The following ABHD18 variants were observed in gnomAD, a reference collection of about 807,000 sequenced individuals.
ABHD18 encodes the protein abhydrolase domain containing 18, also known as cardiolipin-specific deacylase, mitochondrial.
ABHD18 carries 55 observed loss-of-function variants against 65.9 expected under a neutral mutation model. That is an observed-to-expected ratio of 0.84 (90% CI 0.67 to 1.05). The LOEUF is 1.05. Among genes scored for constraint, ABHD18 ranks in the 50% least tolerant of loss-of-function variants. The probability of loss-of-function intolerance (pLI) is 0.00; values close to 1 mark genes in which losing one functional copy is unlikely to be tolerated. For missense variants in ABHD18, 533 were observed against 558.5 expected, an observed-to-expected ratio of 0.95 and a Z score of 0.46; for synonymous variants, 181 against 180.2, an observed-to-expected ratio of 1.00 and a Z score of -0.04.
At chr4:127,987,896 A>G (rs1750259717) in intron 3 of ABHD18, among the ~76,000 whole-genome samples, 1 of 152,166 alleles carries the variant, frequency 6.6e-6, no homozygotes, top group Non-Finnish European at 1.5e-5. Flanking sequence ...ACCTAGATCC[A>G]TACAAGCATC....
chr4:128,001,681 TAGA>T, intron 4 of ABHD18: 2 of 1,527,518 alleles, frequency 1.3e-6, no homozygotes, highest in Non-Finnish European at 1.8e-6. Context: ...CTTCAGAATT[TAGA>T]AGGTTTTGGT....
rs1359236427 is a variant in ABHD18, at chr4:127,984,413, A to T, written c.167A>T (p.His56Leu). Residue 56 changes from histidine (H) to leucine (L), a missense_variant, in exon 3 of 13, where the codon CAC becomes CTC. By Grantham distance (99) the His-to-Leu change is moderately conservative (BLOSUM62 -3). Coordinates refer to ENST00000645843, the MANE Select transcript of ABHD18 (RefSeq NM_001358451.3). Reference sequence around the variant, plus strand: ...CTGGTTTCAAGCGATTATCCAGTACACATTGATAAGGTATTCAAATGAGAG... The same window carrying T: ...CTGGTTTCAAGCGATTATCCAGTACTCATTGATAAGGTATTCAAATGAGAG... ...QNLVSSDYPVHIDKIEEQSDC... is the reference protein window; with the variant it reads ...QNLVSSDYPVLIDKIEEQSDC... The T allele has an allele frequency of 6.5e-7, 1 of 1,532,980 alleles. No homozygotes were observed. Among genetic ancestry groups the T allele is most frequent in the South Asian group, 1.2e-5 (1 of 82,114 alleles). 95.0% of individuals were successfully genotyped at this position (1,532,980 alleles called of 1,614,324 possible).
intron 4 of ABHD18, among the ~76,000 whole-genome samples, chr4:127,991,193 C>T (rs959166867): frequency 2.6e-5 from 4 of 151,554 alleles, no homozygotes; most frequent in African/African-American, 4.8e-5. Flanking sequence ...TGTTTTGTTT[C>T]GTTTTGTTTT....
At chr4:128,023,403 C>CAAAAAAAAA (rs59549849) in intron 10 of ABHD18, among the ~76,000 whole-genome samples, 2 of 44,952 alleles carry the variant, frequency 4.4e-5, no homozygotes, top group East Asian at 9.3e-4. Context: ...CTTGTCTCTA[C>CAAAAAAAAA]AAAAAAAAAA....
chr4:128,005,749 T>C (rs1040005766), intron 4 of ABHD18, among the ~76,000 whole-genome samples: 2 of 152,202 alleles, frequency 1.3e-5, no homozygotes, highest in African/African-American at 4.8e-5. Flanking sequence ...GCGGACCTCC[T>C]GTGTGCATTT....
chr4:128,005,417 T>A (rs965157643), intron 4 of ABHD18, among the ~76,000 whole-genome samples: 3 of 152,170 alleles, frequency 2.0e-5, no homozygotes, highest in Admixed American at 1.3e-4. Context: ...ATTGCCATCA[T>A]GCCAGTAAAG....
At chr4:127,981,167 AC>A (rs1417682326) in intron 1 of ABHD18, among the ~76,000 whole-genome samples, 1 of 152,158 alleles carries the variant, frequency 6.6e-6, no homozygotes, top group African/African-American at 2.4e-5. Flanking sequence ...TGGTGGTTTG[AC>A]TTACGATTGT....
chr4:127,971,612 T>C (rs905670746), intron 1 of ABHD18, among the ~76,000 whole-genome samples: 3 of 146,364 alleles, frequency 2.0e-5, no homozygotes, highest in African/African-American at 7.5e-5. Flanking sequence ...TGCCTCAGCC[T>C]CCTGAGTAGC....
At chr4:128,029,462 C>G (rs918184162) in intron 11 of ABHD18, among the ~76,000 whole-genome samples, 1 of 152,174 alleles carries the variant, frequency 6.6e-6, no homozygotes, top group African/African-American at 2.4e-5. Context: ...GGGAGGACCG[C>G]TTGAGCCCAG....
At chr4:128,012,014 G>T (rs903986208) in intron 7 of ABHD18, among the ~76,000 whole-genome samples, 1 of 150,058 alleles carries the variant, frequency 6.7e-6, no homozygotes, top group Non-Finnish European at 1.5e-5. Flanking sequence ...CAGTCATTCT[G>T]TCACCCAGTC....
At chr4:128,035,286 T>C (rs1163029148) in intron 12 of ABHD18, among the ~76,000 whole-genome samples, 1 of 152,142 alleles carries the variant, frequency 6.6e-6, no homozygotes, top group African/African-American at 2.4e-5. Flanking sequence ...CCCTCATAAA[T>C]TGGAAGTATA....
chr4:127,979,951 CAAA>C (rs1425868405), intron 1 of ABHD18, among the ~76,000 whole-genome samples: 3 of 148,874 alleles, frequency 2.0e-5, no homozygotes, highest in South Asian at 2.2e-4. Flanking sequence ...TGGGAGGACA[CAAA>C]GAAGTGATGA....
At chr4:128,001,567 A>T in intron 4 of ABHD18, 1 of 664,996 alleles carries the variant, frequency 1.5e-6, no homozygotes, top group Non-Finnish European at 2.3e-6. Flanking sequence ...GGTTCTGTAG[A>T]TAGTAAATTT....
chr4:127,971,271 A>G (rs1305528724), intron 1 of ABHD18, among the ~76,000 whole-genome samples: 5 of 151,406 alleles, frequency 3.3e-5, no homozygotes, highest in African/African-American at 7.3e-5. Context: ...AAAAAAAAAA[A>G]AGACAATGAA....
intron 4 of ABHD18, among the ~76,000 whole-genome samples, chr4:128,008,393 T>C (rs933229199): frequency 3.5e-5 from 5 of 142,946 alleles, no homozygotes; most frequent in Non-Finnish European, 7.5e-5. Flanking sequence ...TGCCTCAGCC[T>C]CCTGAGTAGC....
intron 4 of ABHD18, among the ~76,000 whole-genome samples, chr4:128,006,588 C>A (rs1463620396): frequency 6.6e-6 from 1 of 152,118 alleles, no homozygotes; most frequent in East Asian, 1.9e-4. Context: ...TTTTATGTTG[C>A]CTAAGAATCC....
intron 12 of ABHD18, among the ~76,000 whole-genome samples, chr4:128,033,524 C>CTTTTTTTTTTTTTTTTTTTTTTT (rs869099600): frequency 3.8e-4 from 41 of 108,632 alleles, no homozygotes; most frequent in East Asian, 3.3e-3. Context: ...CAAAGATAGT[C>CTTTTTTTTTTTTTTTTTTTTTTT]TTTTTTTTTT....
chr4:128,032,909 G>A (rs989272202), intron 12 of ABHD18, among the ~76,000 whole-genome samples: 1 of 152,064 alleles, frequency 6.6e-6, no homozygotes, highest in African/African-American at 2.4e-5. Context: ...AACAAATTCA[G>A]ATTCATTCCA....
In ABHD18 at chr4:127,965,580, C is replaced by T; in HGVS notation, c.-44C>T. The T allele has an allele frequency of 4.4e-6, 1 of 225,936 alleles. No individual in the cohort carries two copies. Among genetic ancestry groups the T allele is most frequent in the Non-Finnish European group, 9.1e-6 (1 of 110,224 alleles). The allele number at this position is 225,936 out of a possible 1,614,324, so 14.0% of individuals were successfully genotyped here. On this transcript the variant is annotated 5_prime_UTR_variant, in exon 1 of 13. Coordinates refer to ENST00000645843, the MANE Select transcript of ABHD18 (RefSeq NM_001358451.3). ...GCGGTGCTGGGAGGCCCGGCCAGCT[C>T]GATCGCAGGCTTCCACCTGGCGGCC...
Sources: gnomAD v4.1 joint callset for allele counts (sites outside exome capture counted in the v4.1 genomes callset) on GRCh38, gnomAD v4.1.1 for gene constraint, MANE v1.5 for transcripts, NCBI Gene and HGNC (gene_info 2026-07-23, HGNC 2026-07-21) for gene names.